The following KIF1A variants were observed in gnomAD, a reference collection of about 807,000 sequenced individuals.
KIF1A encodes the protein kinesin family member 1A.
A neutral mutation model predicts 227.3 loss-of-function variants in KIF1A; 46 were observed. That is an observed-to-expected ratio of 0.20 (90% confidence interval 0.16 to 0.26). The LOEUF is 0.26. Among genes scored for constraint, KIF1A ranks in the 10% least tolerant of loss-of-function variants. The pLI, the probability that KIF1A is intolerant of heterozygous loss-of-function variation, is 1.00. For synonymous variants in KIF1A, 1,022 were observed against 1,012.8 expected (o/e 1.01, Z -0.17); for missense variants, 1,683 against 2,485.9 (o/e 0.68, Z 6.87).
At chr2:240,735,988 T>G (rs1352596608) in intron 38 of KIF1A, among the ~76,000 whole-genome samples, 2 of 97,736 alleles carry the variant, frequency 2.0e-5, no homozygotes, top group Non-Finnish European at 2.0e-5. Context: ...CACCCCCCAC[T>G]GTTCAGCGCT....
intron 23 of KIF1A, 46 bp from the exon 24 acceptor site, chr2:240,761,423 C>A: frequency 6.6e-7 from 1 of 1,513,002 alleles, no homozygotes; most frequent in South Asian, 1.3e-5. Context: ...GGCCATGACC[C>A]TGCCCACCAT....
chr2:240,766,797 G>A lies in KIF1A; in HGVS notation c.1684+118C>T, dbSNP rs115670971. On this transcript the variant is annotated intron_variant, in intron 19 of 48. Coordinates refer to ENST00000498729, the MANE Select transcript of KIF1A (RefSeq NM_001244008.2). The surrounding 1 kb of genome is among the most constrained non-coding windows in gnomAD (Gnocchi z 5.0). ...CACACACACACACACGTCCTGCCTA[G>A]AAGTATGACTCGCGACCCACTTAGT... 889 of 500,824 alleles carry A rather than the reference G, an allele frequency of 1.8e-3. 6 individuals are homozygous for A. Among genetic ancestry groups the A allele is most frequent in the African/African-American group, 0.017 (764 of 44,602 alleles). The allele number at this position is 500,824 out of a possible 1,614,324, so 31.0% of individuals were successfully genotyped here.
At chr2:240,776,049 C>T (rs2052688964) in intron 10 of KIF1A, 123 bp from the exon 11 acceptor site, 2 of 720,468 alleles carry the variant, frequency 2.8e-6, no homozygotes, top group African/African-American at 1.7e-5. Context: ...GGGCGGGGCC[C>T]GCTCTGCTGG....
intron 2 of KIF1A, among the ~76,000 whole-genome samples, chr2:240,794,324 C>T (rs1351995830): frequency 6.6e-6 from 1 of 152,174 alleles, no homozygotes; most frequent in Non-Finnish European, 1.5e-5. Context: ...GAGATTTTTC[C>T]TGATTATTCA....
chr2:240,736,839 G>C lies in KIF1A; in HGVS notation c.4007+224C>G, dbSNP rs1392488113. On this transcript the variant is annotated intron_variant, in intron 38 of 48. Coordinates refer to ENST00000498729, the MANE Select transcript of KIF1A (RefSeq NM_001244008.2). The surrounding 1 kb of genome is among the most constrained non-coding windows in gnomAD (Gnocchi z 4.7). ...CCCCTCTGCTTGGTGATAAACAAAT[G>C]GGCATGGGGATGCCTGAACCAGCAA... 6.6e-6 allele frequency among the ~76,000 whole-genome samples: 1 copy of C among 152,172 alleles called. No individual in the cohort carries two copies. Among genetic ancestry groups the C allele is most frequent in the Non-Finnish European group, 1.5e-5 (1 of 68,040 alleles).
At chr2:240,767,387 G>C (rs757937992) in intron 17 of KIF1A, 42 bp from the exon 18 acceptor site, 26 of 1,520,952 alleles carry the variant, frequency 1.7e-5, no homozygotes, top group Non-Finnish European at 2.2e-5. Flanking sequence ...CAGAGGGGCA[G>C]GAGCCTGATG....
At position 240,745,433 on chromosome 2, in the gene KIF1A, G is replaced by A. The variant is rs1220625543; in HGVS notation, c.3459C>T (p.Val1153=). 6.8e-6 allele frequency: 11 copies of A among 1,612,534 alleles called. No individual in the cohort carries two copies. The highest frequency in any genetic ancestry group is 9.3e-6 in the Non-Finnish European group (11 of 1,178,676). Residue 1153 remains valine, a synonymous_variant, in exon 32 of 49, where the codon GTC becomes GTT. Transcript: ENST00000498729. ...GAAGTGCCCAGGAACGTACGTTCTG[G>A]ACGTGGTAGAAGCCAAGTGGGGGGC... ...GRGPPLGFYH[V]QNIAVEVTKS...
chr2:240,750,486 C>T lies in KIF1A; in HGVS notation c.2920G>A (p.Val974Ile), dbSNP rs577997489. ...PVPLVHRVAI[V>I]SEKGEVKGFL... ...CCCTTCACCTCGCCCTTCTCGCTGACGATTGCCACACGGTGTACCAGGGGA... is the reference window on the plus strand; with the variant it reads ...CCCTTCACCTCGCCCTTCTCGCTGATGATTGCCACACGGTGTACCAGGGGA... The change falls in exon 28 of 49, where the codon GTC becomes ATC. Residue 974 changes from valine to isoleucine, a missense_variant. Coordinates refer to ENST00000498729, the MANE Select transcript of KIF1A (RefSeq NM_001244008.2). 26 of 1,613,904 alleles carry T rather than the reference C, an allele frequency of 1.6e-5. No homozygotes were observed. The highest frequency in any genetic ancestry group is 2.2e-5 in the East Asian group (1 of 44,886).
At position 240,769,684 on chromosome 2, in the gene KIF1A, T is replaced by A; in HGVS notation, c.1364A>T (p.Glu455Val). 3 of 1,613,496 alleles carry A rather than the reference T, an allele frequency of 1.9e-6. No homozygotes were observed. The highest frequency in any genetic ancestry group is 2.5e-6 in the Non-Finnish European group (3 of 1,179,750). ...RLKETEKIIA[E>V]LNETWEEKLR... ...CTTCTCCTCCCAGGTCTCATTGAGC[T>A]CAGCTATGATCTTCTCTGTTTCCTG... Residue 455 changes from glutamate to valine, a missense_variant, in exon 16 of 49, where the codon GAG becomes GTG. By Grantham distance (121) the Glu-to-Val change is moderately radical. Coordinates refer to ENST00000498729, the MANE Select transcript of KIF1A (RefSeq NM_001244008.2).
Position 240,783,812 on chromosome 2 carries a change from C to A in KIF1A, c.725G>T (p.Ser242Ile). 1 of 1,589,200 alleles carries A rather than the reference C, an allele frequency of 6.3e-7. No homozygotes were observed. The highest frequency in any genetic ancestry group is 8.6e-7 in the Non-Finnish European group (1 of 1,167,772). The part of the protein sequence containing the change: ...AETNITTEKV[S>I]KISLVDLAGS... ...AGCCAGGTCCACCAGGCTGATTTTGCTCACCTGAAACAGTAGATACATCAC... is the reference window on the plus strand; with the variant it reads ...AGCCAGGTCCACCAGGCTGATTTTGATCACCTGAAACAGTAGATACATCAC... The change falls in exon 8 of 49, where the codon AGC (serine) becomes ATC (isoleucine). Residue 242 changes from serine to isoleucine, a missense_variant. Physicochemically the swap from Ser to Ile is moderately radical, Grantham distance 142 (BLOSUM62 -2). Transcript: ENST00000498729.
intron 11 of KIF1A, 67 bp from the exon 12 acceptor site, chr2:240,774,328 C>A: frequency 9.5e-7 from 1 of 1,047,226 alleles, no homozygotes; most frequent in Non-Finnish European, 1.5e-6. Flanking sequence ...CTGCTCCCCC[C>A]TTCCCCCCAC....
chr2:240,773,802 C>T (rs1398556202), intron 12 of KIF1A, among the ~76,000 whole-genome samples: 1 of 152,152 alleles, frequency 6.6e-6, no homozygotes, highest in Non-Finnish European at 1.5e-5. Context: ...GGCCCAGGCT[C>T]CCCACCCCAG....
In KIF1A at chr2:240,790,710, A is replaced by G. The variant is rs1419251443; in HGVS notation, c.107-1398T>C. 6.6e-6 allele frequency among the ~76,000 whole-genome samples: 1 copy of G among 151,932 alleles called. No individual in the cohort carries two copies. Among genetic ancestry groups the G allele is most frequent in the Non-Finnish European group, 1.5e-5 (1 of 67,978 alleles). ...CTGCCATGTCCTTATAAAAGAGGAG[A>G]TTTGGAGACAGGGAGGGTGCCATGA... On this transcript the variant is annotated intron_variant, in intron 2 of 48. Coordinates refer to ENST00000498729, the MANE Select transcript of KIF1A (RefSeq NM_001244008.2). The surrounding 1 kb of genome is among the most constrained non-coding windows in gnomAD (Gnocchi z 5.0).
chr2:240,745,452 G>C lies in KIF1A; in HGVS notation c.3440C>G (p.Pro1147Arg). 1 of 1,613,496 alleles carries C rather than the reference G, an allele frequency of 6.2e-7. No individual in the cohort carries two copies. Among genetic ancestry groups the C allele is most frequent in the Non-Finnish European group, 8.5e-7 (1 of 1,179,546 alleles). ...EPLKNTGRGP[P>R]LGFYHVQNIA... ...GTTCTGGACGTGGTAGAAGCCAAGT[G>C]GGGGGCCTCTGCCTGTGTTCTTCAG... Residue 1147 changes from proline (P) to arginine (R), a missense_variant, in exon 32 of 49, where the codon CCA (proline) becomes CGA (arginine). By Grantham distance (103) the Pro-to-Arg change is moderately radical. Transcript: ENST00000498729.
chr2:240,781,655 C>G (rs1036103730), intron 10 of KIF1A: 1 of 663,742 alleles, frequency 1.5e-6, no homozygotes, highest in African/African-American at 2.0e-5. Context: ...CCGCTCCACA[C>G]ACAATTCCCC....
In KIF1A at chr2:240,788,388, G is replaced by A. The variant is rs534316902; in HGVS notation, c.184-158C>T. 3.2e-4 allele frequency among the ~76,000 whole-genome samples: 48 copies of A among 152,276 alleles called. No homozygotes were observed. Among genetic ancestry groups the A allele is most frequent in the African/African-American group, 1.1e-3 (46 of 41,540 alleles). On this transcript the variant is annotated intron_variant, in intron 3 of 48. Transcript: ENST00000498729. The surrounding 1 kb of genome is among the most constrained non-coding windows in gnomAD (Gnocchi z 6.6). ...CCCCATCCTACTCCTGCCTTGTGGG[G>A]TAGCTTCCTGGAGGAGAAGCCCTCT...
intron 32 of KIF1A, among the ~76,000 whole-genome samples, chr2:240,744,268 T>C (rs908441757): frequency 9.2e-5 from 14 of 152,194 alleles, no homozygotes; most frequent in African/African-American, 3.1e-4. Flanking sequence ...CTGGAGTGTG[T>C]CCCTCGGGCT....
At chr2:240,798,709 G>A (rs1195812233) in intron 1 of KIF1A, among the ~76,000 whole-genome samples, 1 of 152,258 alleles carries the variant, frequency 6.6e-6, no homozygotes, top group Non-Finnish European at 1.5e-5. Context: ...GGGCTGACCA[G>A]CCAGATGCTG....
Position 240,727,623 on chromosome 2 carries a change from G to A in KIF1A, c.4008-683C>T, listed in dbSNP as rs182183841. On this transcript the variant is annotated intron_variant, in intron 38 of 48. Transcript: ENST00000498729. ...CAAAAGCGTCTCTGTTAGCACACGG[G>A]AGACAGCGGCGGCCTCGCTGTGTTC... 2.3e-3 allele frequency among the ~76,000 whole-genome samples: 356 copies of A among 152,348 alleles called. 1 individual carries two copies. Among genetic ancestry groups the A allele is most frequent in the African/African-American group, 8.3e-3 (346 of 41,570 alleles).
Sources: gnomAD v4.1 joint callset for allele counts (sites outside exome capture counted in the v4.1 genomes callset) on GRCh38, gnomAD v4.1.1 for gene constraint, Gnocchi (gnomAD v3.1) non-coding constraint, MANE v1.5 for transcripts, NCBI Gene and HGNC (gene_info 2026-07-23, HGNC 2026-07-21) for gene names.